The following SLIT1 variants were observed in gnomAD, a reference collection of about 807,000 sequenced individuals.
SLIT1 encodes slit guidance ligand 1, also known as slit homolog 1 protein.
SLIT1 carries 66 observed loss-of-function variants against 186.1 expected under a neutral mutation model. The ratio of observed to expected loss-of-function variants is 0.35; its 90% CI spans 0.29 to 0.44. SLIT1 has a LOEUF of 0.44. SLIT1 is among the 20% of genes least tolerant of loss of function. The pLI is 1.00. For synonymous variants in SLIT1, 761 were observed against 833.8 expected (o/e 0.91, Z 1.50); for missense variants, 1,638 against 2,037.4 (o/e 0.80, Z 3.77).
In SLIT1 at chr10:97,018,991, C is replaced by T. The variant is rs978229188; in HGVS notation, c.2863G>A (p.Gly955Ser). The T allele has an allele frequency of 3.1e-6, 5 of 1,608,064 alleles. No individual in the cohort carries two copies. The highest frequency in any genetic ancestry group is 3.3e-5 in the Admixed American group (2 of 59,966). Residue 955 changes from glycine (G) to serine (S), a missense_variant, in exon 27 of 37, where the codon GGC becomes AGC. Around this residue, in one of 3 missense-constraint regions of SLIT1, gnomAD observed 1,245 missense variants for 1,535.3 expected, o/e 0.81. Transcript: ENST00000266058. ...LEVYRCACPSGYKGRDCEVSL... is the reference protein window; with the variant it reads ...LEVYRCACPSSYKGRDCEVSL... ...CCTCTGCCTCCACTCACCTTATAGC[C>T]GCTGGGGCAGGCGCACCTGTACACC...
chr10:97,166,730 C>T (rs554416895), intron 1 of SLIT1, among the ~76,000 whole-genome samples: 1 of 152,228 alleles, frequency 6.6e-6, no homozygotes, highest in East Asian at 1.9e-4. Context: ...TCTAGGGTTG[C>T]TTCCACTAAG....
intron 6 of SLIT1, 51 bp from the exon 7 acceptor site, chr10:97,064,290 G>T: frequency 6.7e-7 from 1 of 1,496,998 alleles, no homozygotes; most frequent in Non-Finnish European, 9.3e-7. Flanking sequence ...AGGAGATGAT[G>T]TGGGACAGGG....
chr10:97,063,771 C>T (rs907776759), intron 7 of SLIT1, among the ~76,000 whole-genome samples, 153 bp from the exon 8 acceptor site: 2 of 152,062 alleles, frequency 1.3e-5, no homozygotes, highest in Non-Finnish European at 2.9e-5. Context: ...AGCTCCAACC[C>T]GGGGATTATC....
intron 4 of SLIT1, among the ~76,000 whole-genome samples, chr10:97,131,240 G>A (rs935921722): frequency 1.3e-5 from 2 of 152,170 alleles, no homozygotes; most frequent in Non-Finnish European, 2.9e-5. Flanking sequence ...AGGGCCCATG[G>A]GACGCCTCTA....
chr10:97,074,211 C>T (rs968487236), intron 4 of SLIT1, among the ~76,000 whole-genome samples: 1 of 152,194 alleles, frequency 6.6e-6, no homozygotes, highest in Non-Finnish European at 1.5e-5. Context: ...TTCACTTTCC[C>T]TTATATCCTG....
At chr10:97,063,706 C>G in intron 7 of SLIT1, 88 bp from the exon 8 acceptor site, 6 of 1,401,454 alleles carry the variant, frequency 4.3e-6, no homozygotes, top group Non-Finnish European at 5.8e-6. Flanking sequence ...AGGAGGCTGC[C>G]CCCGGTGCTG....
intron 4 of SLIT1, among the ~76,000 whole-genome samples, chr10:97,149,415 G>A (rs1020793187): frequency 6.6e-6 from 1 of 152,266 alleles, no homozygotes; most frequent in East Asian, 1.9e-4. Flanking sequence ...GAGGTGAAGC[G>A]TCTGCGCTTG....
At chr10:97,146,535 C>CT (rs1401923030) in intron 4 of SLIT1, among the ~76,000 whole-genome samples, 2 of 151,994 alleles carry the variant, frequency 1.3e-5, no homozygotes, top group African/African-American at 4.8e-5. Flanking sequence ...GGCTCTGTGA[C>CT]TACCCACACA....
intron 22 of SLIT1, among the ~76,000 whole-genome samples, chr10:97,035,423 T>A (rs1287397712): frequency 6.6e-6 from 1 of 151,932 alleles, no homozygotes; most frequent in Non-Finnish European, 1.5e-5. Context: ...CCACGCCCCA[T>A]CCCCCAGGCT....
chr10:97,081,787 GGAGCTAC>G (rs1294111576), intron 4 of SLIT1, among the ~76,000 whole-genome samples: 1 of 152,212 alleles, frequency 6.6e-6, no homozygotes, highest in Non-Finnish European at 1.5e-5. Context: ...AAAGCCCAGA[GGAGCTAC>G]GAGGAACCAC....
chr10:97,140,408 C>T (rs1849745963), intron 4 of SLIT1, among the ~76,000 whole-genome samples: 3 of 152,198 alleles, frequency 2.0e-5, no homozygotes, highest in South Asian at 4.1e-4. Flanking sequence ...TCCCCTCCCA[C>T]CGCCCTCCTT....
intron 1 of SLIT1, among the ~76,000 whole-genome samples, chr10:97,166,571 G>GAGAGAGAGAGAA (rs1564692750): frequency 1.7e-5 from 1 of 59,452 alleles, no homozygotes; most frequent in African/African-American, 5.8e-5. Flanking sequence ...GAGAGAGAGA[G>GAGAGAGAGAGAA]AAAGAAAGAA....
At chr10:97,044,597 A>C (rs2134623552) in intron 18 of SLIT1, among the ~76,000 whole-genome samples, 1 of 152,332 alleles carries the variant, frequency 6.6e-6, no homozygotes. Context: ...CTGCCAAATT[A>C]AAAAAGAATG....
chr10:97,019,620 G>A (rs945779181), intron 26 of SLIT1, among the ~76,000 whole-genome samples: 2 of 152,150 alleles, frequency 1.3e-5, no homozygotes, highest in Non-Finnish European at 2.9e-5. Context: ...AGGGAGCAGG[G>A]GTTGTTACCC....
chr10:97,082,635 C>T (rs763025853), intron 4 of SLIT1, among the ~76,000 whole-genome samples: 100 of 152,120 alleles, frequency 6.6e-4, no homozygotes, highest in Non-Finnish European at 1.1e-3. Flanking sequence ...GAGGTTTCAC[C>T]GTGTTAGCCA....
intron 1 of SLIT1, among the ~76,000 whole-genome samples, chr10:97,178,793 G>A (rs1430134898): frequency 1.7e-4 from 1 of 5,784 alleles, no homozygotes; most frequent in South Asian, 0.011. Context: ...GAGAGAAAGT[G>A]TGTGTGTGTG....
chr10:97,080,393 A>G (rs932484707), intron 4 of SLIT1, among the ~76,000 whole-genome samples: 1 of 152,262 alleles, frequency 6.6e-6, no homozygotes, highest in African/African-American at 2.4e-5. Flanking sequence ...CGGGGGCCCA[A>G]GAACACTCAG....
intron 4 of SLIT1, among the ~76,000 whole-genome samples, chr10:97,124,018 T>C (rs375192435): frequency 3.9e-5 from 6 of 152,050 alleles, no homozygotes; most frequent in African/African-American, 1.4e-4. Flanking sequence ...TCTCTTCACA[T>C]GTATGTAGGC....
In SLIT1 at chr10:97,067,738, G is replaced by A. The variant is rs141632113; in HGVS notation, c.414-1652C>T. Among the ~76,000 whole-genome samples the A allele has an allele frequency of 3.3e-3, 498 of 152,268 alleles. 5 individuals are homozygous for A. The highest frequency in any genetic ancestry group is 0.011 in the African/African-American group (455 of 41,556). Reference sequence around the variant, plus strand: ...CCCAGAGCCTTGCCCCAGACACACCGGGGTCCTGAAGGTGAACAACCAGCG... The same window carrying A: ...CCCAGAGCCTTGCCCCAGACACACCAGGGTCCTGAAGGTGAACAACCAGCG... On this transcript the variant is annotated intron_variant, in intron 4 of 36. Transcript: ENST00000266058.
Sources: allele counts gnomAD v4.1 joint callset (sites outside exome capture counted in the v4.1 genomes callset), GRCh38; gene constraint gnomAD v4.1.1; regional missense constraint gnomAD v4.1.1; transcripts MANE v1.5; gene names NCBI Gene and HGNC (gene_info 2026-07-23, HGNC 2026-07-21).